The following AUTS2 variants were observed in gnomAD, a reference collection of about 807,000 sequenced individuals.
AUTS2 encodes the protein activator of transcription and developmental regulator AUTS2.
AUTS2 carries 17 observed loss-of-function variants against 112.4 expected under a neutral mutation model. The ratio of observed to expected loss-of-function variants is 0.15; its 90% CI spans 0.10 to 0.23. AUTS2 has a LOEUF of 0.23. Ranked by LOEUF, AUTS2 falls within the 10% of genes least tolerant of loss-of-function variation. AUTS2 has a pLI of 1.00. For synonymous variants in AUTS2, 751 were observed against 702.7 expected, an observed-to-expected ratio of 1.07 and a Z score of -1.09; for missense variants, 1,510 against 1,701.6, an observed-to-expected ratio of 0.89 and a Z score of 1.98.
At chr7:70,740,273 A>C (rs1047316688) in intron 6 of AUTS2, among the ~76,000 whole-genome samples, 17 of 152,256 alleles carry the variant, frequency 1.1e-4, no homozygotes, top group African/African-American at 4.1e-4. Flanking sequence ...ACAGTCCTTC[A>C]GGTTTCAATT....
At position 70,791,033 on chromosome 7, in the gene AUTS2, C is replaced by T; in HGVS notation, c.*37C>T. Reference sequence around the variant, plus strand: ...GAGCAAGAACGAGGAAGAAGAAACCCTAGGCAGACACCAGGCCAGGCTTGA... The same window carrying T: ...GAGCAAGAACGAGGAAGAAGAAACCTTAGGCAGACACCAGGCCAGGCTTGA... On this transcript the variant is annotated 3_prime_UTR_variant, in exon 19 of 19. Coordinates refer to ENST00000342771, the MANE Select transcript of AUTS2 (RefSeq NM_015570.4). 6.8e-7 allele frequency: 1 copy of T among 1,463,698 alleles called. No homozygotes were observed. Among genetic ancestry groups the T allele is most frequent in the African/African-American group, 1.4e-5 (1 of 70,766 alleles). The allele number at this position is 1,463,698 out of a possible 1,614,324, so 90.7% of individuals were successfully genotyped here. A position where few individuals can be genotyped will look rare whatever the true frequency, so the allele number is the denominator to read the frequency against.
rs112445747 is a variant in AUTS2 at position 70,364,618 on chromosome 7, A to T, written c.661-71134A>T. Among the ~76,000 whole-genome samples the T allele has an allele frequency of 8.2e-3, 1,100 of 134,608 alleles. 10 individuals are homozygous for T. The highest frequency in any genetic ancestry group is 0.042 in the South Asian group (170 of 4,048). The allele number at this position is 134,608 out of a possible 152,430, so 88.3% of individuals were successfully genotyped here. ...ATAAATAAATAAATAAATAAATAAA[A>T]ATTAAAAAGGGCTCAAAAGTCCTTT... On this transcript the variant is annotated intron_variant, in intron 4 of 18. Transcript: ENST00000342771.
At chr7:69,882,635 C>A (rs915185766) in intron 1 of AUTS2, among the ~76,000 whole-genome samples, 14 of 152,094 alleles carry the variant, frequency 9.2e-5, no homozygotes, top group African/African-American at 3.4e-4. Flanking sequence ...CTAATACATC[C>A]TAGGCATTAC....
intron 5 of AUTS2, among the ~76,000 whole-genome samples, chr7:70,682,176 G>A (rs1463195330): frequency 6.6e-6 from 1 of 152,206 alleles, no homozygotes; most frequent in Non-Finnish European, 1.5e-5. Context: ...AATCACAGAA[G>A]AGCTGTCAGA....
chr7:70,650,601 C>T (rs1195764987), intron 5 of AUTS2, among the ~76,000 whole-genome samples: 1 of 152,244 alleles, frequency 6.6e-6, no homozygotes, highest in Non-Finnish European at 1.5e-5. Context: ...ATTATTTTTA[C>T]TTTCAAATGT....
At chr7:69,626,332 TA>T (rs1029449439) in intron 1 of AUTS2, among the ~76,000 whole-genome samples, 2 of 152,182 alleles carry the variant, frequency 1.3e-5, no homozygotes, top group East Asian at 1.9e-4. Flanking sequence ...TAATTATTAT[TA>T]TTTTTTTTTG....
chr7:70,147,955 T>G (rs771706342), intron 4 of AUTS2, among the ~76,000 whole-genome samples: 4 of 152,132 alleles, frequency 2.6e-5, no homozygotes, highest in Admixed American at 6.6e-5. Flanking sequence ...CAAAGTACCC[T>G]ACCAAGAAGT....
intron 13 of AUTS2, chr7:70,776,889 C>G: frequency 1.7e-6 from 1 of 590,854 alleles, no homozygotes; most frequent in Non-Finnish European, 3.0e-6. Flanking sequence ...TTCTGAGTAG[C>G]AAACCCACGT....
chr7:69,997,266 C>T, intron 2 of AUTS2, among the ~76,000 whole-genome samples: 1 of 152,128 alleles, frequency 6.6e-6, no homozygotes, highest in Non-Finnish European at 1.5e-5. Flanking sequence ...GTTACTTGTT[C>T]TCCTATGTCT....
intron 1 of AUTS2, among the ~76,000 whole-genome samples, chr7:69,669,134 T>TA (rs1796200835): frequency 6.6e-6 from 1 of 152,210 alleles, no homozygotes; most frequent in Admixed American, 6.5e-5. Context: ...TATTTTGCTA[T>TA]ATACGTATGT....
intron 6 of AUTS2, among the ~76,000 whole-genome samples, chr7:70,709,205 C>T (rs1011207891): frequency 6.6e-6 from 1 of 151,994 alleles, no homozygotes; most frequent in South Asian, 2.1e-4. Context: ...GCGTGAGCCA[C>T]CGTACCCGGC....
chr7:70,781,387 AG>A (rs1791067629), intron 14 of AUTS2: 6 of 360,710 alleles, frequency 1.7e-5, no homozygotes, highest in South Asian at 1.3e-4. Flanking sequence ...AAAAAAAACC[AG>A]ACCAAACACT....
At chr7:70,624,244 C>T (rs952885342) in intron 5 of AUTS2, among the ~76,000 whole-genome samples, 3 of 152,190 alleles carry the variant, frequency 2.0e-5, no homozygotes, top group Non-Finnish European at 4.4e-5. Flanking sequence ...CTGGAAGAAC[C>T]GTGGGACCTC....
At chr7:70,471,591 GA>G (rs761315105) in intron 5 of AUTS2, among the ~76,000 whole-genome samples, 1 of 152,056 alleles carries the variant, frequency 6.6e-6, no homozygotes, top group Non-Finnish European at 1.5e-5. Flanking sequence ...AGGCGCTGGG[GA>G]TATTAATATC....
chr7:69,646,495 G>A (rs1795027189), intron 1 of AUTS2, among the ~76,000 whole-genome samples: 1 of 152,212 alleles, frequency 6.6e-6, no homozygotes, highest in Non-Finnish European at 1.5e-5. Flanking sequence ...TGGTTGGATA[G>A]TGGAATCAGA....
chr7:70,379,256 T>C (rs1793257741), intron 4 of AUTS2, among the ~76,000 whole-genome samples: 1 of 152,076 alleles, frequency 6.6e-6, no homozygotes, highest in South Asian at 2.1e-4. Flanking sequence ...TCCCAGCACT[T>C]TGGGGGAGCC....
intron 2 of AUTS2, among the ~76,000 whole-genome samples, chr7:70,039,666 G>A (rs1312569688): frequency 1.3e-5 from 2 of 152,072 alleles, no homozygotes; most frequent in Non-Finnish European, 2.9e-5. Flanking sequence ...CTGCGCTTGG[G>A]CCATGGTTCT....
chr7:69,805,276 T>G (rs2129342050), intron 1 of AUTS2, among the ~76,000 whole-genome samples: 1 of 152,366 alleles, frequency 6.6e-6, no homozygotes, highest in South Asian at 2.1e-4. Context: ...TGCTCAATGT[T>G]GGCATTTTTG....
intron 6 of AUTS2, among the ~76,000 whole-genome samples, chr7:70,743,957 T>A (rs1443371239): frequency 6.6e-6 from 1 of 152,108 alleles, no homozygotes; most frequent in Non-Finnish European, 1.5e-5. Flanking sequence ...GTGGTTAAAG[T>A]GTGGATGGAG....
Sources: gnomAD v4.1 joint callset for allele counts (sites outside exome capture counted in the v4.1 genomes callset) on GRCh38, gnomAD v4.1.1 for gene constraint, MANE v1.5 for transcripts, NCBI Gene and HGNC (gene_info 2026-07-23, HGNC 2026-07-21) for gene names.